The following ABCC9 variants were observed in gnomAD, a reference collection of about 807,000 sequenced individuals.
The protein encoded by ABCC9 is ATP-binding cassette sub-family C member 9.
ABCC9 carries 95 observed loss-of-function variants against 188.3 expected under a neutral mutation model. The ratio of observed to expected loss-of-function variants is 0.50; its 90% CI spans 0.43 to 0.60. ABCC9 has a LOEUF of 0.60. Among genes scored for constraint, ABCC9 ranks in the 20% least tolerant of loss-of-function variants. The pLI is 0.00. For missense variants in ABCC9, 1,102 were observed against 1,876.3 expected (o/e 0.59, Z 7.62); for synonymous variants, 659 against 652.7 (o/e 1.01, Z -0.15).
intron 4 of ABCC9, among the ~76,000 whole-genome samples, chr12:21,926,837 C>T (rs1170990208): frequency 6.6e-6 from 1 of 152,204 alleles, no homozygotes; most frequent in Non-Finnish European, 1.5e-5. Flanking sequence ...CAACAGAGAT[C>T]ACCAGGTGAC....
chr12:21,896,593 G>C (rs1315916956), intron 12 of ABCC9, among the ~76,000 whole-genome samples: 1 of 152,118 alleles, frequency 6.6e-6, no homozygotes, highest in South Asian at 2.1e-4. Context: ...GCCCCAGTGT[G>C]TGTTGTTCTC....
chr12:21,926,527 C>A (rs1565492116), intron 4 of ABCC9, among the ~76,000 whole-genome samples: 1 of 152,138 alleles, frequency 6.6e-6, no homozygotes, highest in Non-Finnish European at 1.5e-5. Flanking sequence ...TACTTGGATG[C>A]AACCATGAAG....
At chr12:21,823,965 G>A (rs11046197) in intron 31 of ABCC9, among the ~76,000 whole-genome samples, 2,794 of 152,254 alleles carry the variant, frequency 0.018, 93 homozygotes, top group African/African-American at 0.064. Context: ...AGTGTGTTAT[G>A]GCCTTTATTT....
chr12:21,906,024 G>T, intron 12 of ABCC9, 102 bp downstream of exon 12: 1 of 1,322,688 alleles, frequency 7.6e-7, no homozygotes, highest in Non-Finnish European at 1.1e-6. Flanking sequence ...AGGTGTCCTT[G>T]AAGAACTAGA....
chr12:21,920,270 A>C (rs1284472924), intron 5 of ABCC9, among the ~76,000 whole-genome samples: 1 of 152,076 alleles, frequency 6.6e-6, no homozygotes, highest in African/African-American at 2.4e-5. Flanking sequence ...AGAAAAAAGA[A>C]GGCATAAAGA....
chr12:21,801,250 A>G, intron 39 of ABCC9, 69 bp from the exon 40 acceptor site: 1 of 1,588,982 alleles, frequency 6.3e-7, no homozygotes, highest in South Asian at 1.1e-5. Flanking sequence ...TGGAATATGT[A>G]TATTTCATGA....
intron 30 of ABCC9, among the ~76,000 whole-genome samples, chr12:21,830,780 A>G (rs1463005784): frequency 6.6e-6 from 1 of 152,208 alleles, no homozygotes; most frequent in African/African-American, 2.4e-5. Flanking sequence ...TTGAGTATCC[A>G]TGACCCAAAT....
chr12:21,868,098 T>A lies in ABCC9; in HGVS notation c.2199-3621A>T, dbSNP rs374587263. On this transcript the variant is annotated intron_variant, in intron 18 of 39. Transcript: ENST00000261200. Reference sequence around the variant, plus strand: ...GCATTCTGACAATTTTGGAGAATTTTTTTCATTCCTCTCTCCTCTCTCTCA... The same window carrying A: ...GCATTCTGACAATTTTGGAGAATTTATTTCATTCCTCTCTCCTCTCTCTCA... 2.0e-4 allele frequency among the ~76,000 whole-genome samples: 31 copies of A among 152,292 alleles called. No individual in the cohort carries two copies. In the East Asian group the frequency reaches 4.6e-3, roughly 23 times the overall value.
intron 3 of ABCC9, 137 bp downstream of exon 3, chr12:21,936,396 C>A: frequency 1.3e-6 from 1 of 792,536 alleles, no homozygotes; most frequent in Non-Finnish European, 2.0e-6. Context: ...TTGAAAAACA[C>A]AAAATACTTG....
chr12:21,855,487 G>C (rs538933440), intron 22 of ABCC9, among the ~76,000 whole-genome samples: 1 of 152,234 alleles, frequency 6.6e-6, no homozygotes, highest in East Asian at 1.9e-4. Flanking sequence ...CTCCCAAAGT[G>C]CTAGGATTAC....
At position 21,915,514 on chromosome 12, in the gene ABCC9, A is replaced by ATTTTTTTTTT. The variant is rs71053356; in HGVS notation, c.816+144_816+153dup. Among the ~76,000 whole-genome samples the ATTTTTTTTTT allele has an allele frequency of 3.7e-3, 13 of 3,522 alleles. 1 individual carries two copies. Among genetic ancestry groups the ATTTTTTTTTT allele is most frequent in the East Asian group, 0.042 (2 of 48 alleles). The allele number at this position is 3,522 out of a possible 152,430, so 2.3% of individuals were successfully genotyped here. On this transcript the variant is annotated intron_variant, in intron 7 of 39. Transcript: ENST00000261200. ...TGTGTGTGTGTGTATATATATATAT[A>ATTTTTTTTTT]TTTTTTTTTTTTTTTTGAGACAGAG...
At chr12:21,904,823 T>A (rs1271574642) in intron 12 of ABCC9, among the ~76,000 whole-genome samples, 10 of 152,228 alleles carry the variant, frequency 6.6e-5, no homozygotes, top group Non-Finnish European at 1.5e-5. Flanking sequence ...ACTTTTACAC[T>A]GTTCGTGGGA....
intron 33 of ABCC9, 61 bp downstream of exon 33, chr12:21,817,126 A>G (rs1942698478): frequency 4.5e-6 from 7 of 1,570,746 alleles, no homozygotes; most frequent in Non-Finnish European, 6.1e-6. Context: ...TGTGCCCAAC[A>G]AACACTAATA....
chr12:21,915,947 C>T, intron 6 of ABCC9, 37 bp from the exon 7 acceptor site: 7 of 1,587,100 alleles, frequency 4.4e-6, no homozygotes, highest in Non-Finnish European at 5.2e-6. Flanking sequence ...AACAATTAGT[C>T]CAATTATTTT....
chr12:21,826,244 A>C (rs1281198990), intron 31 of ABCC9, among the ~76,000 whole-genome samples: 1 of 152,124 alleles, frequency 6.6e-6, no homozygotes. Context: ...GTACTGGGCC[A>C]ATTAGAAATT....
At chr12:21,847,897 C>G (rs1944765316) in intron 25 of ABCC9, among the ~76,000 whole-genome samples, 1 of 152,162 alleles carries the variant, frequency 6.6e-6, no homozygotes, top group Admixed American at 6.5e-5. Flanking sequence ...GAATCCACTG[C>G]CATTTCCTTT....
At chr12:21,840,403 TTAAAA>T (rs1944321711) in intron 29 of ABCC9, among the ~76,000 whole-genome samples, 1 of 152,242 alleles carries the variant, frequency 6.6e-6, no homozygotes, top group Non-Finnish European at 1.5e-5. Context: ...TATTAATTCT[TTAAAA>T]TAACCATCCT....
At chr12:21,860,339 A>T (rs563613506) in intron 21 of ABCC9, among the ~76,000 whole-genome samples, 139 of 152,282 alleles carry the variant, frequency 9.1e-4, no homozygotes, top group African/African-American at 3.2e-3. Context: ...CTACACCACT[A>T]CCTTGGCAAC....
chr12:21,821,396 C>T (rs1943029325), intron 31 of ABCC9, among the ~76,000 whole-genome samples: 1 of 151,996 alleles, frequency 6.6e-6, no homozygotes, highest in Non-Finnish European at 1.5e-5. Flanking sequence ...TGAATTTCAT[C>T]ATTCAGTTCC....
Sources: allele counts gnomAD v4.1 joint callset (sites outside exome capture counted in the v4.1 genomes callset), GRCh38; gene constraint gnomAD v4.1.1; transcripts MANE v1.5; gene names NCBI Gene and HGNC (gene_info 2026-07-23, HGNC 2026-07-21).